Variants in GPHN observed in about 807,000 individuals in gnomAD.
The protein encoded by GPHN is gephyrin.
A neutral mutation model predicts 95.5 loss-of-function variants in GPHN; 17 were observed. The observed-to-expected ratio is 0.18, with a 90% CI of 0.12 to 0.27. GPHN has a LOEUF of 0.27. Ranked by LOEUF, GPHN falls within the 10% of genes least tolerant of loss-of-function variation. The pLI, the probability that GPHN is intolerant of heterozygous loss-of-function variation, is 1.00. For synonymous variants in GPHN, 320 were observed against 322.5 expected (o/e 0.99, Z 0.08); for missense variants, 660 against 978.1 (o/e 0.67, Z 4.34).
At chr14:66,850,802 A>C (rs1049059337) in intron 4 of GPHN, among the ~76,000 whole-genome samples, 2 of 152,146 alleles carry the variant, frequency 1.3e-5, no homozygotes, top group Non-Finnish European at 2.9e-5. Context: ...CTGCGGGTAC[A>C]TGGGTAGAAA....
intron 1 of GPHN, among the ~76,000 whole-genome samples, chr14:66,552,983 C>CTT (rs2059874360): frequency 1.3e-4 from 18 of 135,788 alleles, no homozygotes; most frequent in African/African-American, 4.7e-4. Context: ...TTTCTTTTTT[C>CTT]TTTTCTTTTC....
At chr14:66,899,729 T>G (rs2065036696) in intron 5 of GPHN, among the ~76,000 whole-genome samples, 1 of 151,882 alleles carries the variant, frequency 6.6e-6, no homozygotes, top group South Asian at 2.1e-4. Context: ...ATATTTTTCT[T>G]TTTTATACTA....
chr14:67,549,186 T>G, the GPHN span, among the ~76,000 whole-genome samples: 2 of 152,102 alleles, frequency 1.3e-5, no homozygotes. Context: ...TGCTCACAGA[T>G]CTGATTTGTT....
At chr14:66,819,535 T>C (rs1185315533) in intron 3 of GPHN, among the ~76,000 whole-genome samples, 1 of 152,146 alleles carries the variant, frequency 6.6e-6, no homozygotes, top group Admixed American at 6.6e-5. Flanking sequence ...TTTGTGCCAA[T>C]ATCATGCTGT....
At chr14:67,691,433 G>T in the GPHN span, 1 of 532,362 alleles carries the variant, frequency 1.9e-6, no homozygotes, top group Non-Finnish European at 3.3e-6. Context: ...CTTTTACTAT[G>T]GGGCAGAATT....
At chr14:67,464,613 C>T in the GPHN span, among the ~76,000 whole-genome samples, 1 of 152,198 alleles carries the variant, frequency 6.6e-6, no homozygotes, top group Non-Finnish European at 1.5e-5. Flanking sequence ...TTCCTCTGCA[C>T]AAAACACTCT....
intron 1 of GPHN, among the ~76,000 whole-genome samples, chr14:66,646,679 C>A (rs1427800782): frequency 6.6e-6 from 1 of 151,992 alleles, no homozygotes. Context: ...TTATTGTTGT[C>A]AAATTCATAA....
At chr14:67,022,805 G>GTGGAA (rs1567223060) in intron 9 of GPHN, among the ~76,000 whole-genome samples, 1 of 151,664 alleles carries the variant, frequency 6.6e-6, no homozygotes, top group Non-Finnish European at 1.5e-5. Context: ...GCAAGCTGCT[G>GTGGAA]TGGAATGGGA....
chr14:67,208,172 C>G, the GPHN span: 1 of 1,610,954 alleles, frequency 6.2e-7, no homozygotes, highest in South Asian at 1.1e-5. Context: ...CTTCTGTTAC[C>G]TGATTTGCTG....
At chr14:67,690,436 T>C in the GPHN span, 2 of 1,610,524 alleles carry the variant, frequency 1.2e-6, no homozygotes, top group Non-Finnish European at 8.5e-7. Flanking sequence ...TGAGAAATAC[T>C]AGAATTAATG....
intron 12 of GPHN, among the ~76,000 whole-genome samples, chr14:67,092,619 A>G (rs992413229): frequency 2.6e-5 from 4 of 152,140 alleles, no homozygotes; most frequent in African/African-American, 9.7e-5. Flanking sequence ...GTGAGTTCAA[A>G]AATCAAGACA....
the GPHN span, among the ~76,000 whole-genome samples, chr14:67,731,987 C>T: frequency 6.6e-6 from 1 of 151,636 alleles, no homozygotes; most frequent in African/African-American, 2.4e-5. Context: ...ATTAGCTGAT[C>T]ATGTTGGTGG....
At chr14:67,156,692 G>A (rs2081605197) in intron 18 of GPHN, among the ~76,000 whole-genome samples, 1 of 152,140 alleles carries the variant, frequency 6.6e-6, no homozygotes, top group Non-Finnish European at 1.5e-5. Context: ...CATACTACAT[G>A]TAGGCCAGGT....
At chr14:66,557,229 A>ATAGG (rs200329130) in intron 1 of GPHN, among the ~76,000 whole-genome samples, 62 of 139,386 alleles carry the variant, frequency 4.4e-4, no homozygotes, top group Middle Eastern at 3.6e-3. Flanking sequence ...AGATAGATAC[A>ATAGG]TAGGTAGGTA....
intron 2 of GPHN, among the ~76,000 whole-genome samples, chr14:66,706,035 C>T (rs957758068): frequency 6.6e-6 from 1 of 151,954 alleles, no homozygotes; most frequent in Admixed American, 6.6e-5. Flanking sequence ...AAGCAAAGAG[C>T]CAAATCATGA....
intron 9 of GPHN, among the ~76,000 whole-genome samples, chr14:67,009,717 A>C (rs2072852792): frequency 6.6e-6 from 1 of 152,054 alleles, no homozygotes; most frequent in Admixed American, 6.6e-5. Flanking sequence ...TGAATTTTAT[A>C]ATTTTTTGAT....
the GPHN span, among the ~76,000 whole-genome samples, chr14:67,243,310 C>T: frequency 2.0e-5 from 3 of 151,492 alleles, no homozygotes; most frequent in East Asian, 1.9e-4. Context: ...CTCTCAGCCT[C>T]CCGACTAGCT....
the GPHN span, among the ~76,000 whole-genome samples, chr14:67,367,248 G>C: frequency 6.6e-6 from 1 of 151,830 alleles, no homozygotes; most frequent in Non-Finnish European, 1.5e-5. Context: ...CTCTTTTTTT[G>C]GGGGATGGAG....
the GPHN span, chr14:67,684,969 C>T: frequency 9.8e-6 from 15 of 1,524,160 alleles, no homozygotes; most frequent in East Asian, 1.8e-4. Flanking sequence ...CAAATTATCT[C>T]CTTTGAGCAA....
Sources: gnomAD v4.1 joint callset for allele counts (sites outside exome capture counted in the v4.1 genomes callset) on GRCh38, gnomAD v4.1.1 for gene constraint, MANE v1.5 for transcripts, NCBI Gene and HGNC (gene_info 2026-07-23, HGNC 2026-07-21) for gene names.